Variants in RIN2 observed in about 807,000 individuals in gnomAD.
The protein encoded by RIN2 is Ras and Rab interactor 2.
In RIN2, 36 loss-of-function variants were observed where a neutral mutation model predicts 78.0. That is an observed-to-expected ratio of 0.46 (90% CI 0.35 to 0.61). The LOEUF (loss-of-function observed/expected upper bound fraction) is 0.61. RIN2 is among the 20% of genes least tolerant of loss of function. The pLI is 0.00. For missense variants in RIN2, 1,087 were observed against 1,159.7 expected, an observed-to-expected ratio of 0.94 and a Z score of 0.91; for synonymous variants, 466 against 466.8, an observed-to-expected ratio of 1.00 and a Z score of 0.02.
At chr20:19,837,151 T>C (rs1466704331) in intron 2 of RIN2, among the ~76,000 whole-genome samples, 3 of 136,154 alleles carry the variant, frequency 2.2e-5, no homozygotes, top group African/African-American at 8.9e-5. Flanking sequence ...ACACTGAACA[T>C]CACACACCGC....
chr20:19,817,686 A>T (rs932041957), intron 2 of RIN2, among the ~76,000 whole-genome samples: 1 of 152,240 alleles, frequency 6.6e-6, no homozygotes, highest in Non-Finnish European at 1.5e-5. Context: ...AAAAAGTCAT[A>T]AGAATTTTTT....
At chr20:19,911,543 C>T (rs763014752) in intron 3 of RIN2, among the ~76,000 whole-genome samples, 1 of 152,188 alleles carries the variant, frequency 6.6e-6, no homozygotes, top group Non-Finnish European at 1.5e-5. Context: ...GTAAAAGACA[C>T]AAGCCAAAAA....
At position 19,940,015 on chromosome 20, in the gene RIN2, C is replaced by T. The variant is rs144593818; in HGVS notation, c.158+4816C>T. On this transcript the variant is annotated intron_variant, in intron 4 of 12. Coordinates refer to ENST00000255006, the MANE Select transcript of RIN2 (RefSeq NM_018993.4). ...GATTACAGGCACGCGCCACCACCAC[C>T]GGCTAAGTTTTTGTATTTTAGTGGA... 8.5e-5 allele frequency among the ~76,000 whole-genome samples: 13 copies of T among 152,246 alleles called. No homozygotes were observed. The East Asian group carries it at 1.2e-3, about 14-fold the overall frequency.
At chr20:19,966,015 C>T (rs1489860857) in intron 7 of RIN2, among the ~76,000 whole-genome samples, 1 of 152,174 alleles carries the variant, frequency 6.6e-6, no homozygotes, top group Non-Finnish European at 1.5e-5. Flanking sequence ...AGTTTTTTCA[C>T]ATCAAGTGTT....
chr20:19,949,082 C>A (rs975063381), intron 4 of RIN2, among the ~76,000 whole-genome samples: 200 of 152,216 alleles, frequency 1.3e-3, no homozygotes, highest in African/African-American at 4.6e-3. Context: ...AGTTCCAGAC[C>A]AGCCTGGACA....
rs1337320171 is a variant in RIN2, at chr20:19,975,359, A to G, written c.1334A>G (p.Asp445Gly). The G allele has an allele frequency of 1.2e-6, 2 of 1,613,614 alleles. No individual in the cohort carries two copies. The highest frequency in any genetic ancestry group is 1.3e-5 in the African/African-American group (1 of 74,934). ...TCCTCCTCCGACTCGCTGGAGTTCG[A>G]CCGGAGCATGCCTCTGTTTGGCTAC... ...STSSSDSLEF[D>G]RSMPLFGYEA... Residue 445 changes from aspartate (D) to glycine (G), a missense_variant, in exon 9 of 13, where the codon GAC becomes GGC. Physicochemically the swap from Asp to Gly is moderately conservative, Grantham distance 94. Coordinates refer to ENST00000255006, the MANE Select transcript of RIN2 (RefSeq NM_018993.4). The surrounding 1 kb of genome is among the most constrained non-coding windows in gnomAD (Gnocchi z 4.9).
At chr20:19,888,866 G>A (rs779789412) in intron 2 of RIN2, among the ~76,000 whole-genome samples, 1 of 152,242 alleles carries the variant, frequency 6.6e-6, no homozygotes, top group African/African-American at 2.4e-5. Context: ...TGATGCCCTA[G>A]CAGGGGAAAT....
At chr20:19,859,440 G>C (rs1462248531) in intron 2 of RIN2, among the ~76,000 whole-genome samples, 1 of 152,150 alleles carries the variant, frequency 6.6e-6, no homozygotes. Flanking sequence ...TGCATAAAAT[G>C]CCAATTTCCC....
chr20:19,930,638 C>T (rs939999923), intron 3 of RIN2, among the ~76,000 whole-genome samples: 1 of 152,144 alleles, frequency 6.6e-6, no homozygotes, highest in African/African-American at 2.4e-5. Context: ...CCGGCCCTCC[C>T]TCACAAGGCC....
In RIN2 at chr20:19,926,464, G is replaced by T. The variant is rs77464321; in HGVS notation, c.58-8635G>T. Among the ~76,000 whole-genome samples, 317 of 152,048 alleles carry T rather than the reference G, an allele frequency of 2.1e-3. 10 individuals carry two copies. In the East Asian group the frequency reaches 0.055, roughly 27 times the overall value. On this transcript the variant is annotated intron_variant, in intron 3 of 12. Coordinates refer to ENST00000255006, the MANE Select transcript of RIN2 (RefSeq NM_018993.4). ...CCAGGTGACAGTTCCTGGGGGCAAA[G>T]GTCATTTGAAAGTTTGGAGGAAGCT... is the stretch of plus-strand genomic sequence containing the variant.
At chr20:19,987,577 G>T (rs866561365) in intron 9 of RIN2, among the ~76,000 whole-genome samples, 1 of 152,266 alleles carries the variant, frequency 6.6e-6, no homozygotes. Context: ...AAAAATAATA[G>T]AATTATTGCA....
intron 3 of RIN2, among the ~76,000 whole-genome samples, chr20:19,906,874 T>C (rs2123690384): frequency 6.6e-6 from 1 of 152,322 alleles, no homozygotes; most frequent in South Asian, 2.1e-4. Flanking sequence ...CTCTGATATG[T>C]GACATACACA....
intron 3 of RIN2, among the ~76,000 whole-genome samples, chr20:19,920,110 C>A (rs1325229763): frequency 1.3e-5 from 2 of 151,684 alleles, no homozygotes; most frequent in Non-Finnish European, 2.9e-5. Flanking sequence ...CTGGCTAACA[C>A]GGTGAAACCC....
At chr20:19,935,509 A>T in intron 4 of RIN2, 1 of 1,108,300 alleles carries the variant, frequency 9.0e-7, no homozygotes, top group Non-Finnish European at 1.1e-6. Context: ...ATGCAGCAAG[A>T]TCCAGCGTGT....
chr20:19,890,220 TG>T (rs1228471308), intron 3 of RIN2, among the ~76,000 whole-genome samples: 1 of 152,200 alleles, frequency 6.6e-6, no homozygotes, highest in East Asian at 1.9e-4. Flanking sequence ...TTCATATTGA[TG>T]TTAATGGGAC....
At chr20:19,791,101 G>A (rs1271470219) in intron 1 of RIN2, among the ~76,000 whole-genome samples, 1 of 152,210 alleles carries the variant, frequency 6.6e-6, no homozygotes, top group African/African-American at 2.4e-5. Flanking sequence ...GACTTCATGT[G>A]TGTTCCTGTA....
At chr20:19,800,402 C>T (rs2035203299) in intron 2 of RIN2, among the ~76,000 whole-genome samples, 1 of 152,168 alleles carries the variant, frequency 6.6e-6, no homozygotes. Flanking sequence ...TCTATTTTCC[C>T]TCTCCTTGAA....
At chr20:19,843,754 A>G (rs2036651347) in intron 2 of RIN2, among the ~76,000 whole-genome samples, 1 of 152,224 alleles carries the variant, frequency 6.6e-6, no homozygotes, top group Non-Finnish European at 1.5e-5. Context: ...ATGCGCGAAT[A>G]TCAACTGACA....
At chr20:19,971,037 C>T (rs2042088939) in intron 8 of RIN2, 108 bp downstream of exon 8, 3 of 800,768 alleles carry the variant, frequency 3.7e-6, no homozygotes, top group Non-Finnish European at 6.1e-6. Flanking sequence ...CCAGCTTCTC[C>T]ATCAGTGAGT....
Sources: allele counts gnomAD v4.1 joint callset (sites outside exome capture counted in the v4.1 genomes callset), GRCh38; gene constraint gnomAD v4.1.1; non-coding constraint Gnocchi (gnomAD v3.1); transcripts MANE v1.5; gene names NCBI Gene and HGNC (gene_info 2026-07-23, HGNC 2026-07-21).